Variants in FBXL7 observed in about 807,000 individuals in gnomAD.
FBXL7 encodes the protein F-box and leucine rich repeat protein 7, also known as F-box/LRR-repeat protein 7.
A neutral mutation model predicts 38.3 loss-of-function variants in FBXL7; 12 were observed. That is an observed-to-expected ratio of 0.31 (90% CI 0.20 to 0.51). The LOEUF (loss-of-function observed/expected upper bound fraction) is 0.51. Ranked by LOEUF, FBXL7 falls within the 20% of genes least tolerant of loss-of-function variation. FBXL7 has a pLI of 0.98. For missense variants in FBXL7, 567 were observed against 676.4 expected, an observed-to-expected ratio of 0.84 and a Z score of 1.79; for synonymous variants, 297 against 300.9, an observed-to-expected ratio of 0.99 and a Z score of 0.13.
At position 15,938,115 on chromosome 5, in the gene FBXL7, C is replaced by G. The variant is rs1189980328; in HGVS notation, c.*929C>G. The stretch of plus-strand genomic sequence containing the variant: ...TCAGTGGGAGAATTTCCTCTCCCAC[C>G]TCCTCACATCCTCTTTTGCCAGGCT... On this transcript the variant is annotated 3_prime_UTR_variant, in exon 4 of 4. Coordinates refer to ENST00000504595, the MANE Select transcript of FBXL7 (RefSeq NM_012304.5). The G allele has an allele frequency of 6.6e-6, 1 of 152,178 alleles. No individual in the cohort carries two copies. The highest frequency in any genetic ancestry group is 1.5e-5 in the Non-Finnish European group (1 of 68,044). The allele number at this position is 152,178 out of a possible 1,614,324, so 9.4% of individuals were successfully genotyped here.
intron 2 of FBXL7, among the ~76,000 whole-genome samples, chr5:15,779,028 C>T (rs1204695772): frequency 1.3e-5 from 2 of 152,112 alleles, no homozygotes; most frequent in East Asian, 1.9e-4. Flanking sequence ...ACCTTATTTA[C>T]TGATAATTGT....
intron 2 of FBXL7, among the ~76,000 whole-genome samples, chr5:15,923,358 G>A (rs1741796474): frequency 6.6e-6 from 1 of 152,132 alleles, no homozygotes; most frequent in Non-Finnish European, 1.5e-5. Context: ...TGAATTTGAA[G>A]CCATGCTTTA....
rs1048698572 is a variant in FBXL7, at chr5:15,898,400, G to A, written c.128-29490G>A. On this transcript the variant is annotated intron_variant, in intron 2 of 3. Transcript: ENST00000504595. ...TAGTGATATATAGGGGTAGTGCAAT[G>A]TCAGCCAACCACGAGACTGATTGAT... 9.8e-5 allele frequency among the ~76,000 whole-genome samples: 15 copies of A among 152,322 alleles called. 1 individual carries two copies. The highest frequency in any genetic ancestry group is 3.6e-4 in the African/African-American group (15 of 41,562).
At position 15,504,800 on chromosome 5, in the gene FBXL7, C is replaced by A. The variant is rs115891985; in HGVS notation, c.37+4087C>A. On this transcript the variant is annotated intron_variant, in intron 1 of 3. Transcript: ENST00000504595. ...TTGACTCCAGTTAAGCCAAATAAAT[C>A]TCAGTTCAAGTGGGAAAAGAGAAGC... 4.7e-3 allele frequency among the ~76,000 whole-genome samples: 713 copies of A among 152,294 alleles called. 1 individual carries two copies. Among genetic ancestry groups the A allele is most frequent in the Non-Finnish European group, 7.8e-3 (531 of 68,022 alleles).
chr5:15,550,971 G>A (rs978449430), intron 1 of FBXL7, among the ~76,000 whole-genome samples: 2 of 152,148 alleles, frequency 1.3e-5, no homozygotes, highest in Non-Finnish European at 2.9e-5. Context: ...CTAAATCTGG[G>A]CTTTTGGCCA....
At chr5:15,861,470 T>G (rs1212141126) in intron 2 of FBXL7, among the ~76,000 whole-genome samples, 1 of 152,200 alleles carries the variant, frequency 6.6e-6, no homozygotes. Flanking sequence ...TAGTGACAGT[T>G]GCACGGACAC....
intron 2 of FBXL7, among the ~76,000 whole-genome samples, chr5:15,838,535 C>T (rs1738652039): frequency 6.6e-6 from 1 of 152,160 alleles, no homozygotes; most frequent in South Asian, 2.1e-4. Flanking sequence ...TCTATAGCAC[C>T]ACATTAGGGA....
At chr5:15,582,935 G>GT (rs573419096) in intron 1 of FBXL7, among the ~76,000 whole-genome samples, 23,975 of 138,376 alleles carry the variant, frequency 0.17, 2,131 homozygotes, top group African/African-American at 0.25. Context: ...CTTGGCTCAT[G>GT]TTTTTTTTTT....
At position 15,680,868 on chromosome 5, in the gene FBXL7, C is replaced by G. The variant is rs529718323; in HGVS notation, c.127+64796C>G. 5.9e-5 allele frequency among the ~76,000 whole-genome samples: 9 copies of G among 152,312 alleles called. No individual in the cohort carries two copies. The East Asian group carries it at 1.5e-3, about 26-fold the overall frequency. On this transcript the variant is annotated intron_variant, in intron 2 of 3. Transcript: ENST00000504595. ...CATGTGGGTTATGGCTTTAATTATT[C>G]TCACTGCCTAAATGAGGAAAGTGAA...
At chr5:15,598,014 G>A (rs1261246565) in intron 1 of FBXL7, among the ~76,000 whole-genome samples, 1 of 152,176 alleles carries the variant, frequency 6.6e-6, no homozygotes, top group Admixed American at 6.5e-5. Flanking sequence ...ACTGGCTGCT[G>A]CAAACCTTAA....
chr5:15,929,358 G>A (rs967701802), intron 3 of FBXL7, among the ~76,000 whole-genome samples: 2 of 152,216 alleles, frequency 1.3e-5, no homozygotes, highest in African/African-American at 2.4e-5. Context: ...AGAGGCCCAC[G>A]CCTGTAATCC....
At chr5:15,804,010 C>T (rs918911096) in intron 2 of FBXL7, among the ~76,000 whole-genome samples, 8 of 152,242 alleles carry the variant, frequency 5.3e-5, no homozygotes, top group Admixed American at 6.5e-5. Flanking sequence ...TGCCTGAGCC[C>T]GACATCACAG....
chr5:15,898,804 CG>C (rs1479515121), intron 2 of FBXL7, among the ~76,000 whole-genome samples: 4 of 152,204 alleles, frequency 2.6e-5, no homozygotes, highest in Non-Finnish European at 5.9e-5. Context: ...GCGTTTGCAG[CG>C]CCATTTCCTC....
chr5:15,796,728 G>A (rs952261537), intron 2 of FBXL7, among the ~76,000 whole-genome samples: 4 of 152,120 alleles, frequency 2.6e-5, no homozygotes, highest in Admixed American at 2.0e-4. Flanking sequence ...CCTCTCTTTG[G>A]CACCATCCAG....
Position 15,928,248 on chromosome 5 carries a change from G to C in FBXL7, c.486G>C (p.Glu162Asp). The change falls in exon 3 of 4, where the codon GAG becomes GAC. Residue 162 changes from glutamate (E) to aspartate (D), a missense_variant. Physicochemically the swap from Glu to Asp is conservative, Grantham distance 45. Transcript: ENST00000504595. This position sits in a 1 kb window ranked among gnomAD's most constrained non-coding sequence, Gnocchi z 4.0. ...GGAGGACTATCCGCCTGACGGGCGA[G>C]ACCATCAACGTGGACCGCGCCCTCA... The part of the protein sequence containing the change: ...RLWRTIRLTG[E>D]TINVDRALKV... The C allele has an allele frequency of 6.2e-7, 1 of 1,611,934 alleles. No homozygotes were observed. Among genetic ancestry groups the C allele is most frequent in the Non-Finnish European group, 8.5e-7 (1 of 1,179,096 alleles).
intron 1 of FBXL7, among the ~76,000 whole-genome samples, chr5:15,556,577 C>T (rs145581040): frequency 6.6e-6 from 1 of 152,202 alleles, no homozygotes; most frequent in Non-Finnish European, 1.5e-5. Context: ...GGATGAATCC[C>T]AAATAGCAGA....
chr5:15,757,197 GGAGA>G (rs137948822), intron 2 of FBXL7, among the ~76,000 whole-genome samples: 5 of 151,828 alleles, frequency 3.3e-5, no homozygotes, highest in South Asian at 2.1e-4. Flanking sequence ...TCCTTTCATA[GGAGA>G]GAGAGAGAGA....
At chr5:15,584,593 A>C (rs1423689655) in intron 1 of FBXL7, among the ~76,000 whole-genome samples, 1 of 152,206 alleles carries the variant, frequency 6.6e-6, no homozygotes, top group Non-Finnish European at 1.5e-5. Flanking sequence ...AAACCATTCA[A>C]GTCTCTAGCA....
intron 2 of FBXL7, among the ~76,000 whole-genome samples, chr5:15,806,454 T>C (rs575519120): frequency 6.6e-6 from 1 of 152,106 alleles, no homozygotes; most frequent in Admixed American, 6.5e-5. Context: ...AACCTCAAAA[T>C]AAATTATTGC....
Sources: allele counts gnomAD v4.1 joint callset (sites outside exome capture counted in the v4.1 genomes callset), GRCh38; gene constraint gnomAD v4.1.1; non-coding constraint Gnocchi (gnomAD v3.1); transcripts MANE v1.5; gene names NCBI Gene and HGNC (gene_info 2026-07-23, HGNC 2026-07-21).